Variants in DPP10 observed in about 807,000 individuals in gnomAD.
DPP10 encodes inactive dipeptidyl peptidase 10.
A neutral mutation model predicts 120.9 loss-of-function variants in DPP10; 33 were observed. The observed-to-expected ratio is 0.27, with a 90% CI of 0.21 to 0.37. The LOEUF (loss-of-function observed/expected upper bound fraction) is 0.37. Ranked by LOEUF, DPP10 falls within the 10% of genes least tolerant of loss-of-function variation. The pLI is 1.00. For missense variants in DPP10, 816 were observed against 942.8 expected (o/e 0.87, Z 1.76); for synonymous variants, 337 against 326.1 (o/e 1.03, Z -0.36).
At chr2:115,797,385 C>T (rs1407623992) in intron 19 of DPP10, among the ~76,000 whole-genome samples, 1 of 151,938 alleles carries the variant, frequency 6.6e-6, no homozygotes, top group Non-Finnish European at 1.5e-5. Context: ...CAATAACTTC[C>T]AACATCATTT....
intron 1 of DPP10, among the ~76,000 whole-genome samples, chr2:114,750,423 T>A (rs892273055): frequency 6.6e-6 from 1 of 151,922 alleles, no homozygotes. Flanking sequence ...AAACTCTGCC[T>A]CCCAGGTTCA....
chr2:114,504,777 G>A (rs1683488955), intron 1 of DPP10, among the ~76,000 whole-genome samples: 1 of 152,102 alleles, frequency 6.6e-6, no homozygotes. Flanking sequence ...GAGGTGGCTG[G>A]GCGTGGTGGC....
chr2:114,689,552 A>G (rs1417477853), intron 1 of DPP10, among the ~76,000 whole-genome samples: 1 of 152,022 alleles, frequency 6.6e-6, no homozygotes, highest in East Asian at 1.9e-4. Context: ...ATATGTGTAC[A>G]TACATCTTCA....
At chr2:115,148,937 T>G (rs760989736) in intron 1 of DPP10, among the ~76,000 whole-genome samples, 3 of 152,170 alleles carry the variant, frequency 2.0e-5, no homozygotes, top group Non-Finnish European at 4.4e-5. Flanking sequence ...TATAATGTCA[T>G]CAATTTTCAA....
intron 1 of DPP10, among the ~76,000 whole-genome samples, chr2:115,247,250 G>A (rs2058574809): frequency 6.6e-6 from 1 of 152,026 alleles, no homozygotes; most frequent in African/African-American, 2.4e-5. Context: ...CAGTTGGTGA[G>A]GTGCCTGCAT....
intron 12 of DPP10, among the ~76,000 whole-genome samples, chr2:115,763,746 C>T (rs1008316143): frequency 6.6e-6 from 1 of 152,108 alleles, no homozygotes; most frequent in East Asian, 1.9e-4. Context: ...TACTAACATT[C>T]CCCTCATACT....
intron 5 of DPP10, among the ~76,000 whole-genome samples, chr2:115,619,917 T>C (rs1252976836): frequency 6.6e-6 from 1 of 152,164 alleles, no homozygotes; most frequent in Admixed American, 6.5e-5. Flanking sequence ...TGAACCTAAT[T>C]GTGGTAATCA....
At chr2:114,724,321 A>G (rs916527179) in intron 1 of DPP10, among the ~76,000 whole-genome samples, 1 of 152,372 alleles carries the variant, frequency 6.6e-6, no homozygotes, top group South Asian at 2.1e-4. Context: ...AATAACGTAT[A>G]ATCAATCACT....
At chr2:115,670,656 A>G (rs1028610142) in intron 5 of DPP10, among the ~76,000 whole-genome samples, 1 of 152,156 alleles carries the variant, frequency 6.6e-6, no homozygotes. Flanking sequence ...CACTTAAAAT[A>G]TCTCAATCAA....
chr2:114,977,672 T>C (rs1379829279), intron 1 of DPP10, among the ~76,000 whole-genome samples: 1 of 152,120 alleles, frequency 6.6e-6, no homozygotes, highest in Non-Finnish European at 1.5e-5. Context: ...AAGTCCTACA[T>C]TGCTGTGTAA....
At position 114,760,630 on chromosome 2, in the gene DPP10, C is replaced by T. The variant is rs144974801; in HGVS notation, c.60+317792C>T. ...CTTCTGGGAAGCCTTATATAAGATG[C>T]ACTGTCTTCACATTTGCTGCCCTGT... On this transcript the variant is annotated intron_variant, in intron 1 of 25. Transcript: ENST00000410059. 4.5e-4 allele frequency among the ~76,000 whole-genome samples: 69 copies of T among 152,032 alleles called. 1 individual carries two copies. The East Asian group carries it at 0.013, about 29-fold the overall frequency.
intron 5 of DPP10, among the ~76,000 whole-genome samples, chr2:115,554,341 C>G (rs992840398): frequency 6.6e-6 from 1 of 151,860 alleles, no homozygotes; most frequent in Non-Finnish European, 1.5e-5. Context: ...TCCATTGTCA[C>G]TGTCCCCCAC....
intron 3 of DPP10, among the ~76,000 whole-genome samples, chr2:115,492,046 A>G (rs1575005563): frequency 1.3e-5 from 2 of 152,272 alleles, no homozygotes; most frequent in East Asian, 3.9e-4. Flanking sequence ...TGCTAAATGC[A>G]TTTCTAAATA....
At chr2:115,496,197 C>T (rs1451198825) in intron 3 of DPP10, among the ~76,000 whole-genome samples, 1 of 151,718 alleles carries the variant, frequency 6.6e-6, no homozygotes, top group Non-Finnish European at 1.5e-5. Context: ...AAAAAAACCC[C>T]AAGAAAATTA....
chr2:115,289,240 G>T (rs1207494640), intron 1 of DPP10, among the ~76,000 whole-genome samples: 2 of 151,974 alleles, frequency 1.3e-5, no homozygotes, highest in Non-Finnish European at 2.9e-5. Flanking sequence ...CTAAGGAGGT[G>T]AATGATCTCC....
At chr2:115,250,173 A>T (rs1516311) in intron 1 of DPP10, among the ~76,000 whole-genome samples, 138,206 of 152,192 alleles carry the variant, frequency 0.91, 62,801 homozygotes, top group African/African-American at 0.94. Context: ...TTTTCATATA[A>T]ACTTTCCTGG....
chr2:114,553,428 T>C (rs996221081), intron 1 of DPP10, among the ~76,000 whole-genome samples: 2 of 152,234 alleles, frequency 1.3e-5, no homozygotes, highest in Admixed American at 1.3e-4. Context: ...ATGATAGATT[T>C]CCAGTGCCTG....
At chr2:114,821,417 G>GGTT (rs3036392) in intron 1 of DPP10, among the ~76,000 whole-genome samples, 21,751 of 152,060 alleles carry the variant, frequency 0.14, 1,595 homozygotes, top group African/African-American at 0.19. Context: ...TAAAAGTGGG[G>GGTT]GTTTTCCTTC....
intron 5 of DPP10, among the ~76,000 whole-genome samples, chr2:115,635,583 C>T (rs867939799): frequency 6.6e-6 from 1 of 152,180 alleles, no homozygotes; most frequent in South Asian, 2.1e-4. Context: ...AATAATTCTT[C>T]AAGTTTGCAG....
Sources: allele counts gnomAD v4.1 joint callset (sites outside exome capture counted in the v4.1 genomes callset), GRCh38; gene constraint gnomAD v4.1.1; transcripts MANE v1.5; gene names NCBI Gene and HGNC (gene_info 2026-07-23, HGNC 2026-07-21).